Variants in CENPP observed in about 807,000 individuals in gnomAD.
The protein encoded by CENPP is centromere protein P.
In CENPP, 24 loss-of-function variants were observed where a neutral mutation model predicts 35.6. The observed-to-expected ratio is 0.67, with a 90% CI of 0.49 to 0.95. The LOEUF (loss-of-function observed/expected upper bound fraction) is 0.95, where lower values mean the gene tolerates loss of function less well. Among genes scored for constraint, CENPP ranks in the 40% least tolerant of loss-of-function variants. CENPP has a pLI of 0.00. For synonymous variants in CENPP, 120 were observed against 125.5 expected (o/e 0.96, Z 0.29); for missense variants, 332 against 345.3 (o/e 0.96, Z 0.31).
At chr9:92,556,329 G>T (rs1055963627) in intron 5 of CENPP, among the ~76,000 whole-genome samples, 5 of 152,116 alleles carry the variant, frequency 3.3e-5, no homozygotes, top group African/African-American at 1.2e-4. Context: ...CTTGGAGAAA[G>T]TTCCATGTGC....
rs1179379732 is a variant in CENPP, at chr9:92,345,721, C to A, written c.401C>A (p.Ala134Asp). Residue 134 changes from alanine to aspartate, a missense_variant, in exon 4 of 8, where the codon GCT (alanine) becomes GAT (aspartate). Transcript: ENST00000375587. The part of the protein sequence containing the change: ...EIQNKERLSS[A>D]VTDLNIIMEP... ...TAGAATAAGGAGAGATTATCTTCTGCTGTTACTGACCTCAACATAATAATG... is the reference window on the plus strand; with the variant it reads ...TAGAATAAGGAGAGATTATCTTCTGATGTTACTGACCTCAACATAATAATG... 1.3e-6 allele frequency: 2 copies of A among 1,589,596 alleles called. No homozygotes were observed. The highest frequency in any genetic ancestry group is 2.2e-5 in the East Asian group (1 of 44,622).
At chr9:92,402,577 C>T (rs1843161262) in intron 5 of CENPP, among the ~76,000 whole-genome samples, 1 of 152,120 alleles carries the variant, frequency 6.6e-6, no homozygotes, top group African/African-American at 2.4e-5. Context: ...AATTAGTTTG[C>T]CCATAAAGGT....
intron 5 of CENPP, among the ~76,000 whole-genome samples, chr9:92,609,046 C>T (rs947004456): frequency 2.6e-5 from 4 of 152,252 alleles, no homozygotes; most frequent in South Asian, 2.1e-4. Context: ...CTCTCCCTTA[C>T]GGTCCTCATG....
chr9:92,549,959 C>T (rs1849553490), intron 5 of CENPP, among the ~76,000 whole-genome samples: 1 of 152,166 alleles, frequency 6.6e-6, no homozygotes, highest in African/African-American at 2.4e-5. Flanking sequence ...TCCACCAAGC[C>T]ACTAGAGTCT....
At chr9:92,526,677 A>G (rs911146692) in intron 5 of CENPP, among the ~76,000 whole-genome samples, 5 of 152,002 alleles carry the variant, frequency 3.3e-5, no homozygotes, top group Non-Finnish European at 7.4e-5. Flanking sequence ...CAAAGAAAAA[A>G]AAGAGGAATG....
chr9:92,345,611 T>A (rs1185826706), intron 3 of CENPP, 88 bp from the exon 4 acceptor site: 15 of 710,252 alleles, frequency 2.1e-5, no homozygotes, highest in Non-Finnish European at 3.4e-5. Context: ...TTTTATTTGG[T>A]GGCATTTCAT....
At chr9:92,418,942 G>A (rs989929651) in intron 5 of CENPP, among the ~76,000 whole-genome samples, 3 of 151,974 alleles carry the variant, frequency 2.0e-5, no homozygotes, top group African/African-American at 7.3e-5. Flanking sequence ...TTTCTTCCTA[G>A]CTTCCTTTTT....
intron 5 of CENPP, among the ~76,000 whole-genome samples, chr9:92,420,110 C>G (rs1843741531): frequency 6.6e-6 from 1 of 152,138 alleles, no homozygotes; most frequent in Admixed American, 6.5e-5. Flanking sequence ...CTCCCATGCA[C>G]CCGCATCCTG....
At chr9:92,327,426 G>C (rs1016246085) in intron 1 of CENPP, among the ~76,000 whole-genome samples, 3 of 152,208 alleles carry the variant, frequency 2.0e-5, no homozygotes, top group Non-Finnish European at 2.9e-5. Flanking sequence ...TGCTGTATGA[G>C]TGGGCTAGGT....
At chr9:92,442,848 C>CAA (rs776364640) in intron 5 of CENPP, among the ~76,000 whole-genome samples, 13 of 114,964 alleles carry the variant, frequency 1.1e-4, no homozygotes, top group African/African-American at 1.6e-4. Flanking sequence ...GACTCCTTCT[C>CAA]AAAAAAAAAA....
At chr9:92,526,821 G>A (rs942016166) in intron 5 of CENPP, among the ~76,000 whole-genome samples, 5 of 152,070 alleles carry the variant, frequency 3.3e-5, no homozygotes, top group African/African-American at 1.2e-4. Flanking sequence ...AGTGTACAGT[G>A]TTTATAAAAT....
intron 4 of CENPP, among the ~76,000 whole-genome samples, chr9:92,350,684 C>T (rs1375941871): frequency 6.6e-6 from 1 of 152,120 alleles, no homozygotes; most frequent in Non-Finnish European, 1.5e-5. Flanking sequence ...TTTTGGAAAA[C>T]AATTTTTTTC....
intron 5 of CENPP, among the ~76,000 whole-genome samples, chr9:92,421,446 G>C (rs765883200): frequency 6.6e-6 from 1 of 152,168 alleles, no homozygotes; most frequent in African/African-American, 2.4e-5. Flanking sequence ...GTCAGTGTTC[G>C]TGGGTGAAAA....
At chr9:92,558,268 G>C (rs1249441543) in intron 5 of CENPP, among the ~76,000 whole-genome samples, 3 of 152,162 alleles carry the variant, frequency 2.0e-5, no homozygotes, top group Non-Finnish European at 2.9e-5. Context: ...ATTTAGGTAG[G>C]TTCTATCAGA....
At chr9:92,468,791 G>A (rs1310608324) in intron 5 of CENPP, among the ~76,000 whole-genome samples, 2 of 151,802 alleles carry the variant, frequency 1.3e-5, no homozygotes, top group East Asian at 3.9e-4. Flanking sequence ...TAACAGCTGG[G>A]GGCTTTCCCT....
chr9:92,523,822 TTGCACTCAGAGC>T, intron 5 of CENPP, among the ~76,000 whole-genome samples: 1 of 152,310 alleles, frequency 6.6e-6, no homozygotes, highest in East Asian at 1.9e-4. Context: ...AGAGAGCAGG[TTGCACTCAGAGC>T]ATGGGAACAT....
intron 5 of CENPP, chr9:92,459,863 C>A: frequency 9.2e-7 from 1 of 1,090,554 alleles, no homozygotes; most frequent in Non-Finnish European, 1.3e-6. Context: ...GAATATAAGC[C>A]TGTCCTATTT....
chr9:92,561,818 A>G (rs908388047), intron 5 of CENPP, among the ~76,000 whole-genome samples: 1 of 152,212 alleles, frequency 6.6e-6, no homozygotes, highest in Non-Finnish European at 1.5e-5. Context: ...AGCCAATATG[A>G]ATGAGCACCT....
chr9:92,380,566 A>G (rs746299492), intron 5 of CENPP, among the ~76,000 whole-genome samples: 4 of 148,954 alleles, frequency 2.7e-5, no homozygotes, highest in Non-Finnish European at 6.0e-5. Context: ...TTGGGGTTCT[A>G]TTGTTTCTTA....
Sources: gnomAD v4.1 joint callset for allele counts (sites outside exome capture counted in the v4.1 genomes callset) on GRCh38, gnomAD v4.1.1 for gene constraint, MANE v1.5 for transcripts, NCBI Gene and HGNC (gene_info 2026-07-23, HGNC 2026-07-21) for gene names.